The following CHAT variants were observed in gnomAD, a reference collection of about 807,000 sequenced individuals.
The protein encoded by CHAT is choline O-acetyltransferase.
A neutral mutation model predicts 76.9 loss-of-function variants in CHAT; 61 were observed. The ratio of observed to expected loss-of-function variants is 0.79; its 90% CI spans 0.65 to 0.98. The LOEUF (loss-of-function observed/expected upper bound fraction) is 0.98. Among genes scored for constraint, CHAT ranks in the 50% least tolerant of loss-of-function variants. The pLI, the probability that CHAT is intolerant of heterozygous loss-of-function variation, is 0.00. For synonymous variants in CHAT, 407 were observed against 397.4 expected (o/e 1.02, Z -0.29); for missense variants, 946 against 986.9 (o/e 0.96, Z 0.56).
chr10:49,655,271 C>G, intron 12 of CHAT, 35 bp downstream of exon 12: 2 of 1,614,012 alleles, frequency 1.2e-6, no homozygotes, highest in Non-Finnish European at 1.7e-6. Flanking sequence ...CACAGGAAAC[C>G]AGTGAGGCTG....
intron 11 of CHAT, 108 bp from the exon 12 acceptor site, chr10:49,654,987 T>G: frequency 8.7e-7 from 1 of 1,150,400 alleles, no homozygotes; most frequent in Non-Finnish European, 1.3e-6. Context: ...TTCTGCCAAG[T>G]CAAGTCAGGG....
chr10:49,619,846 G>A lies in CHAT; in HGVS notation c.509G>A (p.Gly170Glu), dbSNP rs370097299. Residue 170 changes from glycine to glutamate, a missense_variant, in exon 3 of 15, where the codon GGG (glycine) becomes GAG (glutamate). Around this residue, in one of 3 missense-constraint regions of CHAT, gnomAD observed 548 missense variants for 516.2 expected, o/e 1.06. Transcript: ENST00000337653. ...RKSQAIVQQF[G>E]APGGLGETLQ... ...AGCCAGGCCATTGTGCAGCAGTTTG[G>A]GGCCCCTGGTGGCCTCGGCGAGACC... is the stretch of plus-strand genomic sequence containing the variant. The A allele has an allele frequency of 4.3e-6, 7 of 1,613,648 alleles. No homozygotes were observed. Among genetic ancestry groups the A allele is most frequent in the Non-Finnish European group, 5.9e-6 (7 of 1,179,920 alleles).
upstream of CHAT, chr10:49,610,828 C>A (rs8187735): frequency 3.8e-3 from 6,170 of 1,607,874 alleles, 211 homozygotes; most frequent in African/African-American, 0.074. Context: ...GGAGCCCCGG[C>A]GGCAGAGGCG....
chr10:49,611,616 C>T (rs1314558438), upstream of CHAT: 2 of 1,611,424 alleles, frequency 1.2e-6, no homozygotes, highest in South Asian at 2.2e-5. Flanking sequence ...CCTACATTGC[C>T]GTGGTGGCCG....
intron 10 of CHAT, 93 bp downstream of exon 10, chr10:49,649,729 AC>A: frequency 1.4e-6 from 2 of 1,403,486 alleles, no homozygotes; most frequent in East Asian, 2.3e-5. Context: ...GTTTCCAAAG[AC>A]CCCAGCTCCT....
chr10:49,641,316 G>A (rs933500365), intron 7 of CHAT, among the ~76,000 whole-genome samples: 1 of 152,162 alleles, frequency 6.6e-6, no homozygotes, highest in Non-Finnish European at 1.5e-5. Context: ...ATGTTCCTTG[G>A]GTCCTGAGGT....
chr10:49,631,291 C>T (rs1412318154), intron 7 of CHAT, among the ~76,000 whole-genome samples: 1 of 152,198 alleles, frequency 6.6e-6, no homozygotes, highest in African/African-American at 2.4e-5. Context: ...TTTCTCCTGA[C>T]ACCTCTCTCC....
chr10:49,651,769 T>G, intron 10 of CHAT, 115 bp from the exon 11 acceptor site: 1 of 1,070,516 alleles, frequency 9.3e-7, no homozygotes, highest in East Asian at 2.6e-5. Flanking sequence ...AGGGACTACG[T>G]CCGCACCTTC....
Position 49,620,849 on chromosome 10 carries a change from A to T in CHAT, c.698+236A>T, listed in dbSNP as rs556421772. On this transcript the variant is annotated intron_variant, in intron 4 of 14. Transcript: ENST00000337653. ...CTATATTTATCTTGCAGTGGAATGG[A>T]CACTCATGGAGGTCATGGGTCCAAA... Among the ~76,000 whole-genome samples the T allele has an allele frequency of 7.9e-5, 12 of 152,316 alleles. No individual in the cohort carries two copies. The South Asian group carries it at 2.5e-3, about 32-fold the overall frequency.
At chr10:49,649,682 C>T in intron 10 of CHAT, 46 bp downstream of exon 10, 2 of 1,606,480 alleles carry the variant, frequency 1.2e-6, no homozygotes, top group South Asian at 2.2e-5. Context: ...TAGGGACCAC[C>T]CCGCCCTTGC....
intron 9 of CHAT, 51 bp from the exon 10 acceptor site, chr10:49,649,457 C>T (rs984476301): frequency 6.2e-7 from 1 of 1,613,130 alleles, no homozygotes; most frequent in Non-Finnish European, 8.5e-7. Context: ...AGAGATGCCT[C>T]CCACAGCTGT....
At chr10:49,611,314 G>A, upstream of CHAT, 2 of 1,605,882 alleles carry the variant, frequency 1.2e-6, no homozygotes, top group East Asian at 2.2e-5. Flanking sequence ...CTCAGCCTTC[G>A]CCGACACGTC....
At chr10:49,626,380 T>C (rs1838922889) in intron 6 of CHAT, among the ~76,000 whole-genome samples, 1 of 152,224 alleles carries the variant, frequency 6.6e-6, no homozygotes, top group Non-Finnish European at 1.5e-5. Context: ...CAAACAGTTT[T>C]GTTTTTGTTT....
At position 49,655,166 on chromosome 10, in the gene CHAT, A is replaced by C; in HGVS notation, c.1706A>C (p.Asn569Thr). 6 of 1,613,966 alleles carry C rather than the reference A, an allele frequency of 3.7e-6. No homozygotes were observed. Among genetic ancestry groups the C allele is most frequent in the Non-Finnish European group, 5.1e-6 (6 of 1,180,012 alleles). ...CGATTCCAGGAGGGACGCGTGGACA[A>C]CATCAGATCGGCCACTCCAGAGGCA... is the stretch of plus-strand genomic sequence containing the variant. Reference protein sequence around the residue: ...IRRFQEGRVDNIRSATPEALA... With the variant: ...IRRFQEGRVDTIRSATPEALA... Residue 569 changes from asparagine (N) to threonine (T), a missense_variant, in exon 12 of 15, where the codon AAC becomes ACC. Asn to Thr is a moderately conservative substitution (Grantham distance 65). Transcript: ENST00000337653.
At chr10:49,629,709 T>G (rs1237131619) in intron 7 of CHAT, among the ~76,000 whole-genome samples, 1 of 152,166 alleles carries the variant, frequency 6.6e-6, no homozygotes. Flanking sequence ...CTGAGGGAAA[T>G]GCGACAGAAA....
intron 13 of CHAT, chr10:49,661,403 G>A (rs936979280): frequency 2.0e-5 from 3 of 152,124 alleles, no homozygotes; most frequent in African/African-American, 4.8e-5. Context: ...TCTTTCCTTC[G>A]GTCCTAACAG....
At chr10:49,609,799 C>T (rs1031301237), upstream of CHAT, among the ~76,000 whole-genome samples, 7 of 152,158 alleles carry the variant, frequency 4.6e-5, no homozygotes, top group Non-Finnish European at 1.0e-4. Flanking sequence ...GTCCAGCGCT[C>T]CTCCGGACGC....
At position 49,616,602 on chromosome 10, in the gene CHAT, T is replaced by G; in HGVS notation, c.387T>G (p.Ser129=). ...MAAKTPSSEE[S]GLPKLPVPPL... ...CAAAAACTCCCAGCAGTGAGGAGTC[T>G]GTGAGTGACTTTTGGAGCCCTCTCT... Residue 129 remains serine (S), a splice_region_variant and synonymous_variant, in exon 2 of 15, where the codon TCT becomes TCG. Transcript: ENST00000337653. 1 of 1,600,168 alleles carries G rather than the reference T, an allele frequency of 6.2e-7. No homozygotes were observed. Among genetic ancestry groups the G allele is most frequent in the Middle Eastern group, 1.7e-4 (1 of 6,046 alleles).
At chr10:49,627,816 C>T in intron 7 of CHAT, 31 bp downstream of exon 7, 22 of 1,607,072 alleles carry the variant, frequency 1.4e-5, no homozygotes, top group Non-Finnish European at 1.9e-5. Flanking sequence ...CATCTCCATG[C>T]CCATCTCATG....
Sources: allele counts gnomAD v4.1 joint callset (sites outside exome capture counted in the v4.1 genomes callset), GRCh38; gene constraint gnomAD v4.1.1; regional missense constraint gnomAD v4.1.1; transcripts MANE v1.5; gene names NCBI Gene and HGNC (gene_info 2026-07-23, HGNC 2026-07-21).